The following SUGT1 variants were observed in gnomAD, a reference collection of about 807,000 sequenced individuals.
SUGT1 encodes the protein protein SGT1 homolog.
A neutral mutation model predicts 56.1 loss-of-function variants in SUGT1; 15 were observed. The observed-to-expected ratio is 0.27, with a 90% CI of 0.18 to 0.41. The LOEUF (loss-of-function observed/expected upper bound fraction) is 0.41, where lower values mean the gene tolerates loss of function less well. Among genes scored for constraint, SUGT1 ranks in the 10% least tolerant of loss-of-function variants. The pLI, the probability that SUGT1 is intolerant of heterozygous loss-of-function variation, is 1.00. For missense variants in SUGT1, 347 were observed against 382.2 expected (o/e 0.91, Z 0.77); for synonymous variants, 123 against 128.6 (o/e 0.96, Z 0.30).
rs1214057825 is a variant in SUGT1, at chr13:52,657,612, G to C, written c.177G>C (p.Gly59=). Residue 59 remains glycine, a synonymous_variant, in exon 3 of 13, where the codon GGG becomes GGC. Transcript: ENST00000310528. Reference sequence around the variant, plus strand: ...GAGCTTATTGTCACATTCTTCTTGGGAATTACTGTGGTAACGTTTCTTATA... The same window carrying C: ...GAGCTTATTGTCACATTCTTCTTGGCAATTACTGTGGTAACGTTTCTTATA... ...CQRAYCHILL[G]NYCVAVADAK... The C allele has an allele frequency of 1.2e-6, 2 of 1,613,034 alleles. No homozygotes were observed. The highest frequency in any genetic ancestry group is 2.7e-5 in the African/African-American group (2 of 74,858).
At chr13:52,685,827 G>A (rs1370214409) in intron 12 of SUGT1, among the ~76,000 whole-genome samples, 1 of 152,190 alleles carries the variant, frequency 6.6e-6, no homozygotes, top group Non-Finnish European at 1.5e-5. Flanking sequence ...TTGCCCTGCA[G>A]TCTATTAGGA....
At chr13:52,683,175 C>A (rs1028482584) in intron 12 of SUGT1, among the ~76,000 whole-genome samples, 42 of 152,024 alleles carry the variant, frequency 2.8e-4, no homozygotes, top group African/African-American at 9.7e-4. Context: ...GACATCCTTG[C>A]CTTGTTTCCC....
At chr13:52,654,650 TTTTG>T (rs1398106527) in intron 2 of SUGT1, among the ~76,000 whole-genome samples, 1 of 152,212 alleles carries the variant, frequency 6.6e-6, no homozygotes, top group East Asian at 1.9e-4. Context: ...CATCAGTTAG[TTTTG>T]TTTGTTCTTG....
chr13:52,684,921 T>C (rs75390471), intron 12 of SUGT1, among the ~76,000 whole-genome samples: 9 of 139,050 alleles, frequency 6.5e-5, no homozygotes, highest in Non-Finnish European at 6.3e-5. Flanking sequence ...TTTTTTTTTT[T>C]CCTTGTTTGT....
chr13:52,691,434 A>G lies in SUGT1; in HGVS notation c.*3599A>G, dbSNP rs556752515. 4 of 152,274 alleles carry G rather than the reference A, an allele frequency of 2.6e-5. No individual in the cohort carries two copies. The highest frequency in any genetic ancestry group is 6.5e-5 in the Admixed American group (1 of 15,296). 9.4% of individuals were successfully genotyped at this position (152,274 alleles called of 1,614,324 possible). On this transcript the variant is annotated 3_prime_UTR_variant, in exon 13 of 13. Transcript: ENST00000310528. The stretch of plus-strand genomic sequence containing the variant: ...CTCTATTCCTTCCTCAGTTATCTAC[A>G]TATCAGATTAGATTATTGATATCTG...
At chr13:52,676,015 T>TTATA (rs1419002464) in intron 10 of SUGT1, among the ~76,000 whole-genome samples, 1 of 152,176 alleles carries the variant, frequency 6.6e-6, no homozygotes, top group Non-Finnish European at 1.5e-5. Flanking sequence ...TGATTATAGC[T>TTATA]TATATATAGT....
intron 5 of SUGT1, among the ~76,000 whole-genome samples, chr13:52,661,126 TTGAG>T (rs1273924821): frequency 6.6e-6 from 1 of 152,156 alleles, no homozygotes; most frequent in Non-Finnish European, 1.5e-5. Flanking sequence ...GATTATTTTC[TTGAG>T]TAATATCTTA....
rs1963855541 is a variant in SUGT1, at chr13:52,694,078, A to G, written c.*6243A>G. 1 of 152,230 alleles carries G rather than the reference A, an allele frequency of 6.6e-6. No homozygotes were observed. Among genetic ancestry groups the G allele is most frequent in the South Asian group, 2.1e-4 (1 of 4,834 alleles). 9.4% of individuals were successfully genotyped at this position (152,230 alleles called of 1,614,324 possible). A position where few individuals can be genotyped will look rare whatever the true frequency, so the allele number is the denominator to read the frequency against. ...GACTGTGGGTCACTGAAATTGTGGAAAGCAAAACCATGGATAAAGGGGAAC... is the reference window on the plus strand; with the variant it reads ...GACTGTGGGTCACTGAAATTGTGGAGAGCAAAACCATGGATAAAGGGGAAC... On this transcript the variant is annotated 3_prime_UTR_variant, in exon 13 of 13. Transcript: ENST00000310528.
Position 52,695,676 on chromosome 13 carries a change from C to G in SUGT1, c.*7841C>G, listed in dbSNP as rs1963908670. 1 of 152,140 alleles carries G rather than the reference C, an allele frequency of 6.6e-6. No individual in the cohort carries two copies. The highest frequency in any genetic ancestry group is 1.5e-5 in the Non-Finnish European group (1 of 68,030). 9.4% of individuals were successfully genotyped at this position (152,140 alleles called of 1,614,324 possible). On this transcript the variant is annotated 3_prime_UTR_variant, in exon 13 of 13. Transcript: ENST00000310528. ...TTCAACCCCAGCCAAAATTTTTGGC[C>G]ACATCTCTTGTCACTGCTTTGCTGT...
chr13:52,666,383 G>A (rs962788043), intron 9 of SUGT1, among the ~76,000 whole-genome samples: 22 of 152,168 alleles, frequency 1.4e-4, no homozygotes, highest in African/African-American at 5.3e-4. Flanking sequence ...AGCCTCTTGA[G>A]TATGACTTTT....
intron 12 of SUGT1, among the ~76,000 whole-genome samples, chr13:52,680,448 G>A (rs979389962): frequency 3.9e-5 from 6 of 152,172 alleles, no homozygotes; most frequent in Non-Finnish European, 4.4e-5. Context: ...AACTTCTGTT[G>A]TTTCCCTTCT....
At chr13:52,654,456 T>C (rs1962064606) in intron 2 of SUGT1, among the ~76,000 whole-genome samples, 1 of 152,246 alleles carries the variant, frequency 6.6e-6, no homozygotes, top group Non-Finnish European at 1.5e-5. Flanking sequence ...TAAAAATTTT[T>C]ATGGAGGCAT....
rs900744489 is a variant in SUGT1, at chr13:52,694,697, T to G, written c.*6862T>G. ...TGATATTTGTTTGTGTTTGTTTTTG[T>G]TTTTGTTTTTGAGACGGAGTCTTGC... On this transcript the variant is annotated 3_prime_UTR_variant, in exon 13 of 13. Transcript: ENST00000310528. 6.6e-6 allele frequency: 1 copy of G among 152,330 alleles called. No individual in the cohort carries two copies. Among genetic ancestry groups the G allele is most frequent in the Non-Finnish European group, 1.5e-5 (1 of 68,110 alleles). 9.4% of individuals were successfully genotyped at this position (152,330 alleles called of 1,614,324 possible).
intron 9 of SUGT1, among the ~76,000 whole-genome samples, chr13:52,666,551 TTAAA>T (rs1252312762): frequency 6.6e-6 from 1 of 152,216 alleles, no homozygotes; most frequent in African/African-American, 2.4e-5. Context: ...ATAGGTGTGA[TTAAA>T]TATATGACAA....
In SUGT1 at chr13:52,688,926, A is replaced by G. The variant is rs967086125; in HGVS notation, c.*1091A>G. 6.6e-6 allele frequency: 1 copy of G among 152,230 alleles called. No homozygotes were observed. The highest frequency in any genetic ancestry group is 2.1e-4 in the South Asian group (1 of 4,838). The allele number at this position is 152,230 out of a possible 1,614,324, so 9.4% of individuals were successfully genotyped here. On this transcript the variant is annotated 3_prime_UTR_variant, in exon 13 of 13. Transcript: ENST00000310528. ...TTTACAGTCTAGGCTGTTATAAAGT[A>G]TAGACTATGGATGACCTGTAGATCT...
chr13:52,682,859 T>C, intron 12 of SUGT1, among the ~76,000 whole-genome samples: 1 of 152,238 alleles, frequency 6.6e-6, no homozygotes, highest in East Asian at 1.9e-4. Flanking sequence ...TGTCTTTCCA[T>C]GTAAATTTTA....
rs1169354929 is a variant in SUGT1, at chr13:52,688,778, A to G, written c.*943A>G. On this transcript the variant is annotated 3_prime_UTR_variant, in exon 13 of 13. Transcript: ENST00000310528. ...AATTAAAGACATGATTATTAACTTC[A>G]AAGAGCTTATAAATGTAGCAGGGAA... is the stretch of plus-strand genomic sequence containing the variant. 1.3e-5 allele frequency: 2 copies of G among 152,224 alleles called. No homozygotes were observed. The highest frequency in any genetic ancestry group is 2.9e-5 in the Non-Finnish European group (2 of 68,044). 9.4% of individuals were successfully genotyped at this position (152,224 alleles called of 1,614,324 possible).
At chr13:52,655,365 G>C (rs1962113669) in intron 2 of SUGT1, among the ~76,000 whole-genome samples, 1 of 152,090 alleles carries the variant, frequency 6.6e-6, no homozygotes, top group African/African-American at 2.4e-5. Context: ...CCCAGCACAG[G>C]GTTTTCAGTT....
rs765220996 is a variant in SUGT1, at chr13:52,674,053, CTTT to C, written c.628-2158_628-2156del. On this transcript the variant is annotated intron_variant, in intron 10 of 12. Coordinates refer to ENST00000310528, the MANE Select transcript of SUGT1 (RefSeq NM_006704.5). ...TGTAAATTACACCAAAGATAGTATA[CTTT>C]TTTTTTTTTTTTTTTTTTGACAGAG... is the stretch of plus-strand genomic sequence containing the variant. Among the ~76,000 whole-genome samples the C allele has an allele frequency of 1.4e-3, 146 of 107,938 alleles. 1 individual carries two copies. Among genetic ancestry groups the C allele is most frequent in the African/African-American group, 5.1e-3 (140 of 27,322 alleles). 70.8% of individuals were successfully genotyped at this position (107,938 alleles called of 152,430 possible). A position where few individuals can be genotyped will look rare whatever the true frequency, so the allele number is the denominator to read the frequency against.
Sources: allele counts gnomAD v4.1 joint callset (sites outside exome capture counted in the v4.1 genomes callset), GRCh38; gene constraint gnomAD v4.1.1; transcripts MANE v1.5; gene names NCBI Gene and HGNC (gene_info 2026-07-23, HGNC 2026-07-21).